TNRC18: variants seen among roughly 807,000 people sequenced by gnomAD.
TNRC18 encodes the protein trinucleotide repeat-containing gene 18 protein.
A neutral mutation model predicts 226.7 loss-of-function variants in TNRC18; 69 were observed. The observed-to-expected ratio is 0.30, with a 90% CI of 0.25 to 0.37. The LOEUF is 0.37. TNRC18 is among the 10% of genes least tolerant of loss of function. TNRC18 has a pLI of 1.00. For missense variants in TNRC18, 4,754 were observed against 4,256.6 expected, an observed-to-expected ratio of 1.12 and a Z score of -3.25; for synonymous variants, 2,449 against 1,927.6, an observed-to-expected ratio of 1.27 and a Z score of -7.09.
intron 21 of TNRC18, among the ~76,000 whole-genome samples, chr7:5,323,618 A>G (rs181195552): frequency 7.2e-6 from 1 of 138,788 alleles, no homozygotes; most frequent in East Asian, 2.2e-4. Context: ...GCTGGAGTGC[A>G]ATGCAATGGC....
At chr7:5,308,628 A>G (rs2128098969) in intron 29 of TNRC18, among the ~76,000 whole-genome samples, 1 of 152,292 alleles carries the variant, frequency 6.6e-6, no homozygotes, top group East Asian at 1.9e-4. Flanking sequence ...AGAGAGAGTC[A>G]GAGGGCAAGA....
chr7:5,414,833 C>T (rs1372105441), intron 2 of TNRC18, among the ~76,000 whole-genome samples: 1 of 152,222 alleles, frequency 6.6e-6, no homozygotes, highest in Non-Finnish European at 1.5e-5. Context: ...AGTCCATATT[C>T]CAGTTTTGTC....
At position 5,359,406 on chromosome 7, in the gene TNRC18, T is replaced by A; in HGVS notation, c.4825A>T (p.Ile1609Phe). The change falls in exon 15 of 30, where the codon ATC (isoleucine) becomes TTC (phenylalanine). Residue 1609 changes from isoleucine (I) to phenylalanine (F), a missense_variant. By Grantham distance (21) the Ile-to-Phe change is conservative (BLOSUM62 0). Transcript: ENST00000430969. ...WDEHEASSDF[I>F]SQLKIKKKKM... The stretch of plus-strand genomic sequence containing the variant: ...AAGACTGGGTTACTCACCTGACTGA[T>A]GAAGTCCGACGAGGCCTCATGTTCA... The A allele has an allele frequency of 1.9e-6, 3 of 1,614,024 alleles. No individual in the cohort carries two copies. Among genetic ancestry groups the A allele is most frequent in the South Asian group, 2.2e-5 (2 of 91,082 alleles).
chr7:5,329,038 C>G (rs1265967816), intron 19 of TNRC18, among the ~76,000 whole-genome samples: 2 of 152,128 alleles, frequency 1.3e-5, no homozygotes, highest in Non-Finnish European at 2.9e-5. Flanking sequence ...CGTGGTGGCT[C>G]ATGCCTATAA....
chr7:5,332,264 C>T (rs1190776023), intron 19 of TNRC18, among the ~76,000 whole-genome samples: 1 of 152,078 alleles, frequency 6.6e-6, no homozygotes, highest in African/African-American at 2.4e-5. Flanking sequence ...TAGCGAGATC[C>T]CCTCTCTACA....
intron 19 of TNRC18, among the ~76,000 whole-genome samples, 183 bp downstream of exon 19, chr7:5,332,437 AAC>A (rs1369840270): frequency 6.6e-6 from 1 of 152,166 alleles, no homozygotes; most frequent in East Asian, 1.9e-4. Context: ...ACTCTTAAGA[AAC>A]AAAGGAACAG....
chr7:5,311,661 A>T (rs1261393944), intron 27 of TNRC18, among the ~76,000 whole-genome samples: 6 of 151,988 alleles, frequency 3.9e-5, no homozygotes, highest in Non-Finnish European at 1.5e-5. Flanking sequence ...AAAAATATTT[A>T]AAAATCAGCT....
At chr7:5,329,966 G>A in intron 19 of TNRC18, 1 of 471,084 alleles carries the variant, frequency 2.1e-6, no homozygotes, top group Non-Finnish European at 4.4e-6. Flanking sequence ...ACTGTAGCAG[G>A]AACCTGGAAC....
chr7:5,348,561 G>T (rs1330231737), intron 17 of TNRC18, among the ~76,000 whole-genome samples: 1 of 146,154 alleles, frequency 6.8e-6, no homozygotes, highest in Non-Finnish European at 1.5e-5. Flanking sequence ...GTCTACTCAT[G>T]TATTGGAGAC....
intron 2 of TNRC18, among the ~76,000 whole-genome samples, chr7:5,407,590 AT>A (rs1230382375): frequency 5.3e-5 from 8 of 152,178 alleles, no homozygotes; most frequent in Admixed American, 5.2e-4. Flanking sequence ...ATCCTCAAAT[AT>A]GGGCAGGGAC....
intron 18 of TNRC18, 45 bp downstream of exon 18, chr7:5,345,517 G>GGGGGGGGGGGCGCCCCCC: frequency 2.6e-6 from 1 of 377,744 alleles, no homozygotes; most frequent in Non-Finnish European, 4.8e-6. Flanking sequence ...AATGGCGTCC[G>GGGGGGGGGGGCGCCCCCC]CCCCTCCCAC....
Position 5,362,047 on chromosome 7 carries a change from CG to C in TNRC18, c.4396-15del. On this transcript the variant is annotated splice_polypyrimidine_tract_variant and intron_variant, in intron 12 of 29. Coordinates refer to ENST00000430969, the MANE Select transcript of TNRC18 (RefSeq NM_001080495.3). ...CATGGCATACATCTGGGGGAAGAAC[CG>C]GGAGAGGAGGAGGGGGTGAGGATGC... The C allele has an allele frequency of 6.2e-7, 1 of 1,610,666 alleles. No individual in the cohort carries two copies. The highest frequency in any genetic ancestry group is 2.2e-5 in the East Asian group (1 of 44,730).
At chr7:5,339,577 GTT>G (rs56708901) in intron 18 of TNRC18, among the ~76,000 whole-genome samples, 93 of 136,334 alleles carry the variant, frequency 6.8e-4, no homozygotes, top group South Asian at 3.9e-3. Flanking sequence ...GTGTGTGTGT[GTT>G]TTTCGACAGA....
chr7:5,378,036 C>CA lies in TNRC18; in HGVS notation c.2153-13dup. The CA allele has an allele frequency of 6.2e-7, 1 of 1,604,150 alleles. No homozygotes were observed. The highest frequency in any genetic ancestry group is 8.5e-7 in the Non-Finnish European group (1 of 1,177,242). On this transcript the variant is annotated splice_polypyrimidine_tract_variant and intron_variant, in intron 5 of 29. Coordinates refer to ENST00000430969, the MANE Select transcript of TNRC18 (RefSeq NM_001080495.3). ...TGCTCGGCCGTGCCCTGCAGGGGGC[C>CA]AGGTGGAAGTGAGCCCCCAGCCAGC...
At chr7:5,385,552 C>T (rs904668888) in intron 5 of TNRC18, among the ~76,000 whole-genome samples, 1 of 150,414 alleles carries the variant, frequency 6.6e-6, no homozygotes, top group Admixed American at 6.7e-5. Context: ...GGCATGGTGG[C>T]GGGTGCCTGT....
At chr7:5,354,746 G>T (rs530355503) in intron 16 of TNRC18, among the ~76,000 whole-genome samples, 40 of 152,024 alleles carry the variant, frequency 2.6e-4, no homozygotes, top group African/African-American at 8.9e-4. Context: ...CGAAACACAC[G>T]CACCCTGAAA....
intron 3 of TNRC18, 63 bp from the exon 4 acceptor site, chr7:5,390,691 CCAGCTCCTGGAAATAAA>C (rs1299608442): frequency 1.4e-6 from 2 of 1,439,828 alleles, no homozygotes; most frequent in Admixed American, 2.9e-5. Context: ...GAGCTTCCTT[CCAGCTCCTGGAAATAAA>C]CTATTTTGGC....
At chr7:5,327,727 C>A (rs1055894469) in intron 19 of TNRC18, among the ~76,000 whole-genome samples, 2 of 152,074 alleles carry the variant, frequency 1.3e-5, no homozygotes, top group Non-Finnish European at 2.9e-5. Flanking sequence ...CGGCTGGGTG[C>A]CTTCCCCTAC....
chr7:5,312,467 G>A lies in TNRC18; in HGVS notation c.8388+36C>T, dbSNP rs543520121. 26 of 1,599,648 alleles carry A rather than the reference G, an allele frequency of 1.6e-5. No individual in the cohort carries two copies. The highest frequency in any genetic ancestry group is 5.2e-5 in the Admixed American group (3 of 58,044). On this transcript the variant is annotated intron_variant, in intron 27 of 29. Coordinates refer to ENST00000430969, the MANE Select transcript of TNRC18 (RefSeq NM_001080495.3). This position sits in a 1 kb window ranked among gnomAD's most constrained non-coding sequence, Gnocchi z 6.3. ...CCCAGCAGAGAGACACAAGGCCCCCGGCCCCTCGGCCGTGCCCGGGCGCGA... is the reference window on the plus strand; with the variant it reads ...CCCAGCAGAGAGACACAAGGCCCCCAGCCCCTCGGCCGTGCCCGGGCGCGA...
Sources: allele counts gnomAD v4.1 joint callset (sites outside exome capture counted in the v4.1 genomes callset), GRCh38; gene constraint gnomAD v4.1.1; non-coding constraint Gnocchi (gnomAD v3.1); transcripts MANE v1.5; gene names NCBI Gene and HGNC (gene_info 2026-07-23, HGNC 2026-07-21).